Variants in PLPP1 observed in about 807,000 individuals in gnomAD.
The protein encoded by PLPP1 is phospholipid phosphatase 1, also known as lipid phosphate phosphohydrolase 1a.
In PLPP1, 24 loss-of-function variants were observed where a neutral mutation model predicts 31.2. The ratio of observed to expected loss-of-function variants is 0.77; its 90% CI spans 0.56 to 1.08. The LOEUF (loss-of-function observed/expected upper bound fraction) is 1.08, where lower values mean the gene tolerates loss of function less well. PLPP1 is among the 50% of genes least tolerant of loss of function. The pLI is 0.00. For missense variants in PLPP1, 319 were observed against 342.7 expected (o/e 0.93, Z 0.55); for synonymous variants, 146 against 126.3 (o/e 1.16, Z -1.05).
intron 1 of PLPP1, among the ~76,000 whole-genome samples, chr5:55,486,102 C>G (rs1293077617): frequency 5.9e-5 from 9 of 152,146 alleles, no homozygotes; most frequent in Admixed American, 5.9e-4. Flanking sequence ...GCTACTGTGA[C>G]AGGCCAAACT....
intron 3 of PLPP1, among the ~76,000 whole-genome samples, chr5:55,465,279 G>A (rs374240427): frequency 2.6e-5 from 4 of 152,030 alleles, no homozygotes; most frequent in Middle Eastern, 3.4e-3. Context: ...TCCTGACCTC[G>A]AGTGATCTGC....
intron 1 of PLPP1, chr5:55,530,704 C>A (rs1350965895): frequency 4.4e-6 from 7 of 1,579,584 alleles, no homozygotes. Context: ...GCTCTCTCTT[C>A]TAGTCACATT....
At position 55,468,339 on chromosome 5, in the gene PLPP1, TCATATCAA is replaced by T. The variant is rs1752349348; in HGVS notation, c.211-198_211-191del. 7.5e-6 allele frequency: 4 copies of T among 532,724 alleles called. No homozygotes were observed. In the African/African-American group the frequency reaches 7.6e-5, roughly 10 times the overall value. 33.0% of individuals were successfully genotyped at this position (532,724 alleles called of 1,614,324 possible). A position where few individuals can be genotyped will look rare whatever the true frequency, so the allele number is the denominator to read the frequency against. ...CCAATTCTAAACCACAAAACAGGTG[TCATATCAA>T]TGGTGGACATTACTTACAAAGCCAT... On this transcript the variant is annotated intron_variant, in intron 2 of 5. Coordinates refer to ENST00000307259, the MANE Select transcript of PLPP1 (RefSeq NM_003711.4).
At chr5:55,481,850 C>G (rs112545039) in intron 1 of PLPP1, among the ~76,000 whole-genome samples, 14 of 152,056 alleles carry the variant, frequency 9.2e-5, no homozygotes, top group African/African-American at 3.4e-4. Flanking sequence ...ATAGGAAATG[C>G]AGCTACACAT....
intron 3 of PLPP1, among the ~76,000 whole-genome samples, chr5:55,445,604 G>GC (rs1180752124): frequency 7.5e-6 from 1 of 133,372 alleles, no homozygotes; most frequent in Non-Finnish European, 1.5e-5. Flanking sequence ...GAGTTCAGTG[G>GC]CCCAATCTGA....
intron 1 of PLPP1, 30 bp from the exon 2 acceptor site, chr5:55,475,480 T>C (rs753774149): frequency 3.2e-6 from 5 of 1,556,438 alleles, no homozygotes; most frequent in South Asian, 1.2e-5. Flanking sequence ...GAAAATATCA[T>C]TAAAAAAGAA....
chr5:55,427,697 T>A (rs1015290384), intron 4 of PLPP1, among the ~76,000 whole-genome samples: 1 of 151,470 alleles, frequency 6.6e-6, no homozygotes, highest in African/African-American at 2.4e-5. Flanking sequence ...TTCTCCAGAT[T>A]TCTTCCCCAA....
At chr5:55,456,538 T>C (rs1752014273) in intron 3 of PLPP1, among the ~76,000 whole-genome samples, 1 of 152,186 alleles carries the variant, frequency 6.6e-6, no homozygotes, top group Non-Finnish European at 1.5e-5. Context: ...AAAGAGCAGA[T>C]TACACTATAA....
intron 1 of PLPP1, among the ~76,000 whole-genome samples, chr5:55,522,618 C>A (rs1316607421): frequency 1.3e-5 from 2 of 152,204 alleles, no homozygotes. Flanking sequence ...GAAACTGACT[C>A]TGAAACTACA....
chr5:55,514,112 C>T (rs959299768), intron 1 of PLPP1, among the ~76,000 whole-genome samples: 1 of 152,178 alleles, frequency 6.6e-6, no homozygotes, highest in East Asian at 1.9e-4. Context: ...AGGCACATGG[C>T]TCATGCCTAT....
chr5:55,434,821 G>A (rs1326844663), intron 4 of PLPP1, among the ~76,000 whole-genome samples: 2 of 152,096 alleles, frequency 1.3e-5, no homozygotes, highest in Admixed American at 1.3e-4. Context: ...AAAACATAGG[G>A]GAAACGCTTC....
At chr5:55,472,733 G>GA (rs1752445770) in intron 2 of PLPP1, among the ~76,000 whole-genome samples, 1 of 143,892 alleles carries the variant, frequency 6.9e-6, no homozygotes, top group African/African-American at 2.6e-5. Context: ...AAGAGGAAGA[G>GA]GAGGAAGAGG....
At chr5:55,493,368 T>G (rs1287071255) in intron 1 of PLPP1, among the ~76,000 whole-genome samples, 2 of 151,986 alleles carry the variant, frequency 1.3e-5, no homozygotes, top group East Asian at 3.9e-4. Context: ...CAGTGTATTA[T>G]TTGCTATAGA....
At chr5:55,425,803 T>C (rs1444971527) in intron 5 of PLPP1, 60 bp downstream of exon 5, 2 of 1,394,802 alleles carry the variant, frequency 1.4e-6, no homozygotes, top group East Asian at 2.4e-5. Context: ...TTTTTTTTTC[T>C]ATTTACTTAT....
Position 55,526,903 on chromosome 5 carries a change from G to T in PLPP1, c.58+7669C>A, listed in dbSNP as rs188538617. ...GCCAAGATCGGGCCACTGTACTCCA[G>T]CCTGGGCGACAGAGCGAGATTCCAT... is the stretch of plus-strand genomic sequence containing the variant. On this transcript the variant is annotated intron_variant, in intron 1 of 5. Coordinates refer to ENST00000307259, the MANE Select transcript of PLPP1 (RefSeq NM_003711.4). Among the ~76,000 whole-genome samples the T allele has an allele frequency of 1.4e-3, 178 of 126,590 alleles. 2 individuals are homozygous for T. The Middle Eastern group carries it at 0.043, about 30-fold the overall frequency. 83.0% of individuals were successfully genotyped at this position (126,590 alleles called of 152,430 possible). A position where few individuals can be genotyped will look rare whatever the true frequency, so the allele number is the denominator to read the frequency against.
intron 3 of PLPP1, among the ~76,000 whole-genome samples, chr5:55,445,515 ATCTT>A (rs987892892): frequency 7.1e-6 from 1 of 141,176 alleles, no homozygotes; most frequent in Non-Finnish European, 1.5e-5. Flanking sequence ...CATTTGAAAT[ATCTT>A]TATTTTGCAT....
intron 4 of PLPP1, among the ~76,000 whole-genome samples, chr5:55,428,230 T>C (rs1055222482): frequency 2.6e-5 from 4 of 152,266 alleles, no homozygotes; most frequent in African/African-American, 9.6e-5. Flanking sequence ...AATTCTGGGA[T>C]GCCCCAGTTG....
chr5:55,530,335 C>A, intron 1 of PLPP1: 4 of 1,417,068 alleles, frequency 2.8e-6, no homozygotes, highest in Non-Finnish European at 4.0e-6. Context: ...GGACATGTCA[C>A]AGGAACTATC....
At chr5:55,503,647 G>C (rs2111887778) in intron 1 of PLPP1, among the ~76,000 whole-genome samples, 1 of 151,250 alleles carries the variant, frequency 6.6e-6, no homozygotes, top group East Asian at 2.0e-4. Context: ...TGGCATGGTA[G>C]CATGTGCACC....
Sources: gnomAD v4.1 joint callset for allele counts (sites outside exome capture counted in the v4.1 genomes callset) on GRCh38, gnomAD v4.1.1 for gene constraint, MANE v1.5 for transcripts, NCBI Gene and HGNC (gene_info 2026-07-23, HGNC 2026-07-21) for gene names.